Variants in USP34 observed in about 807,000 individuals in gnomAD.
USP34 encodes ubiquitin carboxyl-terminal hydrolase 34.
Under a neutral mutation model 460.3 loss-of-function variants are expected in USP34, and 70 were observed. The ratio of observed to expected loss-of-function variants is 0.15; its 90% confidence interval spans 0.13 to 0.19. USP34 has a LOEUF of 0.19. Among genes scored for constraint, USP34 ranks in the 10% least tolerant of loss-of-function variants. The probability of loss-of-function intolerance (pLI) is 1.00; values close to 1 mark genes in which losing one functional copy is unlikely to be tolerated. For synonymous variants in USP34, 1,647 were observed against 1,405.3 expected, an observed-to-expected ratio of 1.17 and a Z score of -3.85; for missense variants, 3,985 against 4,236.2, an observed-to-expected ratio of 0.94 and a Z score of 1.65.
chr2:61,406,115 A>C lies in USP34; in HGVS notation c.145T>G (p.Cys49Gly), dbSNP rs1344313238. Residue 49 changes from cysteine (C) to glycine (G), a missense_variant, in exon 3 of 80, where the codon TGC (cysteine) becomes GGC (glycine). This residue lies in a region of USP34 where 331 missense variants were observed against 293.7 expected (regional missense o/e 1.13). Coordinates refer to ENST00000398571, the MANE Select transcript of USP34 (RefSeq NM_014709.4). ...TCCAAATGCTTATATTCCTTGAAGC[A>C]GCATAGACATTGCCTATAAGAGAAA... The part of the protein sequence containing the change: ...NSWTQRQCLC[C>G]FKEYKHLEIF... 2 of 1,595,554 alleles carry C rather than the reference A, an allele frequency of 1.3e-6. No homozygotes were observed. Among genetic ancestry groups the C allele is most frequent in the Admixed American group, 1.8e-5 (1 of 55,528 alleles).
At chr2:61,230,257 C>A (rs1687853649) in intron 58 of USP34, among the ~76,000 whole-genome samples, 1 of 152,160 alleles carries the variant, frequency 6.6e-6, no homozygotes, top group Non-Finnish European at 1.5e-5. Flanking sequence ...CAGCTGGGTG[C>A]AGTGGCTCAA....
At chr2:61,449,526 CA>C (rs1407419107) in intron 1 of USP34, among the ~76,000 whole-genome samples, 9 of 141,512 alleles carry the variant, frequency 6.4e-5, no homozygotes, top group Admixed American at 1.4e-4. Context: ...AAAACAAAAA[CA>C]AAAAAAAAAC....
At chr2:61,192,712 T>TA (rs1478058353) in intron 76 of USP34, among the ~76,000 whole-genome samples, 189 bp downstream of exon 76, 2 of 152,200 alleles carry the variant, frequency 1.3e-5, no homozygotes, top group East Asian at 1.9e-4. Flanking sequence ...CTACTTAAGT[T>TA]AAAAAAATCA....
intron 21 of USP34, among the ~76,000 whole-genome samples, chr2:61,324,717 G>A (rs1691031296): frequency 6.6e-6 from 1 of 152,188 alleles, no homozygotes; most frequent in South Asian, 2.1e-4. Flanking sequence ...GCTGCAATGA[G>A]CTGTGATCGC....
At chr2:61,380,422 C>A (rs1692935887) in intron 6 of USP34, 61 bp from the exon 7 acceptor site, 2 of 1,504,314 alleles carry the variant, frequency 1.3e-6, no homozygotes, top group East Asian at 2.3e-5. Context: ...AAAGACCACT[C>A]AGTAACTTAA....
intron 1 of USP34, among the ~76,000 whole-genome samples, chr2:61,461,480 T>C (rs1695599451): frequency 6.6e-6 from 1 of 151,960 alleles, no homozygotes; most frequent in Non-Finnish European, 1.5e-5. Flanking sequence ...AAAATATGAA[T>C]GGTTAAATTT....
intron 75 of USP34, among the ~76,000 whole-genome samples, chr2:61,202,809 C>A (rs1043662979): frequency 2.0e-5 from 3 of 152,070 alleles, no homozygotes; most frequent in Non-Finnish European, 2.9e-5. Context: ...CACCTCTACG[C>A]CTGCCTCCCT....
At chr2:61,383,205 A>G (rs1693026980) in intron 6 of USP34, 64 bp downstream of exon 6, 5 of 1,180,962 alleles carry the variant, frequency 4.2e-6, no homozygotes, top group Admixed American at 2.5e-5. Context: ...ATATAATTCT[A>G]TATTATAAAT....
At chr2:61,348,526 AG>A (rs1691841946) in intron 14 of USP34, 46 bp from the exon 15 acceptor site, 3 of 1,565,874 alleles carry the variant, frequency 1.9e-6, no homozygotes, top group Non-Finnish European at 2.6e-6. Flanking sequence ...TAAACCAGTA[AG>A]AAAAAAGGTA....
chr2:61,325,276 T>TAAAA, intron 21 of USP34, 99 bp downstream of exon 21: 299 of 603,818 alleles, frequency 5.0e-4, no homozygotes, highest in Non-Finnish European at 5.8e-4. Context: ...TAAATTAAAC[T>TAAAA]AAAAAAAAAA....
At chr2:61,380,553 T>A (rs1558560591) in intron 6 of USP34, among the ~76,000 whole-genome samples, 192 bp from the exon 7 acceptor site, 1 of 152,218 alleles carries the variant, frequency 6.6e-6, no homozygotes, top group East Asian at 1.9e-4. Flanking sequence ...CTTTCAACAT[T>A]AGTCTTCCTC....
chr2:61,470,725 C>T lies in USP34; in HGVS notation c.-33G>A, dbSNP rs1249646499. 5.1e-6 allele frequency: 8 copies of T among 1,572,872 alleles called. No homozygotes were observed. Among genetic ancestry groups the T allele is most frequent in the Non-Finnish European group, 6.9e-6 (8 of 1,155,472 alleles). ...CCGCCGCCCCCCCCCTCCCCCGCTT[C>T]GGATCACACTGACTGATCCCGACCG... is the stretch of plus-strand genomic sequence containing the variant. On this transcript the variant is annotated 5_prime_UTR_variant, in exon 1 of 80. Coordinates refer to ENST00000398571, the MANE Select transcript of USP34 (RefSeq NM_014709.4).
intron 79 of USP34, 55 bp downstream of exon 79, chr2:61,188,855 T>C (rs1483066622): frequency 1.9e-6 from 3 of 1,599,082 alleles, no homozygotes; most frequent in East Asian, 2.2e-5. Flanking sequence ...TTACACCAAG[T>C]GTATTACTCC....
In USP34 at chr2:61,314,972, C is replaced by T. The variant is rs201979347; in HGVS notation, c.3285G>A (p.Leu1095=). 3 of 1,606,986 alleles carry T rather than the reference C, an allele frequency of 1.9e-6. No homozygotes were observed. Among genetic ancestry groups the T allele is most frequent in the African/African-American group, 2.7e-5 (2 of 74,678 alleles). ...TGCCCCAAAATTGGTCCATACCACA[C>T]AGCTAAGAAAGAAAAATATGGTATC... The part of the protein sequence containing the change: ...SAYDGCSNSE[L]CGMDQFWGIA... The change falls in exon 24 of 80, where the codon CTG becomes CTA. Residue 1095 remains leucine (L), a splice_region_variant and synonymous_variant. Coordinates refer to ENST00000398571, the MANE Select transcript of USP34 (RefSeq NM_014709.4).
At chr2:61,425,094 C>T (rs185808334) in intron 1 of USP34, among the ~76,000 whole-genome samples, 1 of 152,256 alleles carries the variant, frequency 6.6e-6, no homozygotes, top group African/African-American at 2.4e-5. Context: ...ACAGGTGTGG[C>T]CCACTGCGCC....
rs201991922 is a variant in USP34 at position 61,283,396 on chromosome 2, G to A, written c.4873+13C>T. On this transcript the variant is annotated intron_variant, in intron 36 of 79. Transcript: ENST00000398571. ...TTTTTATTTATTAAAAGTTAACTTT[G>A]TGGAACCCTTACCTTCATGTCTAGA... 2.0e-4 allele frequency: 312 copies of A among 1,597,190 alleles called. No individual in the cohort carries two copies. Among genetic ancestry groups the A allele is most frequent in the Non-Finnish European group, 2.5e-4 (288 of 1,174,440 alleles).
intron 4 of USP34, 89 bp from the exon 5 acceptor site, chr2:61,395,091 CAA>C (rs1156965472): frequency 6.9e-7 from 1 of 1,449,224 alleles, no homozygotes; most frequent in South Asian, 1.3e-5. Flanking sequence ...ATGAGAAACT[CAA>C]AAGACATATA....
At chr2:61,421,044 C>G (rs766056496) in intron 1 of USP34, among the ~76,000 whole-genome samples, 59 of 152,102 alleles carry the variant, frequency 3.9e-4, no homozygotes, top group Non-Finnish European at 7.1e-4. Flanking sequence ...GGCAGTGAGA[C>G]TTTGCCACTT....
intron 1 of USP34, among the ~76,000 whole-genome samples, chr2:61,461,177 G>A (rs1440212113): frequency 6.6e-6 from 1 of 151,770 alleles, no homozygotes; most frequent in Non-Finnish European, 1.5e-5. Flanking sequence ...GATGACTTGA[G>A]CTCAGGAGTT....
Sources: gnomAD v4.1 joint callset for allele counts (sites outside exome capture counted in the v4.1 genomes callset) on GRCh38, gnomAD v4.1.1 for gene constraint, gnomAD v4.1.1 regional missense constraint, MANE v1.5 for transcripts, NCBI Gene and HGNC (gene_info 2026-07-23, HGNC 2026-07-21) for gene names.